Variants in PTPN14 observed in about 807,000 individuals in gnomAD.
PTPN14 encodes protein tyrosine phosphatase non-receptor type 14.
A neutral mutation model predicts 126.8 loss-of-function variants in PTPN14; 53 were observed. That is an observed-to-expected ratio of 0.42 (90% CI 0.34 to 0.53). The LOEUF is 0.53. Ranked by LOEUF, PTPN14 falls within the 20% of genes least tolerant of loss-of-function variation. PTPN14 has a pLI of 0.08. For missense variants in PTPN14, 1,257 were observed against 1,552.9 expected (o/e 0.81, Z 3.20); for synonymous variants, 630 against 599.3 (o/e 1.05, Z -0.75).
In PTPN14 at chr1:214,402,437, C is replaced by CAAAAAAAAAAAAAAAAAAA. The variant is rs1165595746; in HGVS notation, c.581+427_581+445dup. Among the ~76,000 whole-genome samples the CAAAAAAAAAAAAAAAAAAA allele has an allele frequency of 3.4e-3, 165 of 48,134 alleles. 16 individuals carry two copies. Among genetic ancestry groups the CAAAAAAAAAAAAAAAAAAA allele is most frequent in the Non-Finnish European group, 4.9e-3 (128 of 26,192 alleles). 31.6% of individuals were successfully genotyped at this position (48,134 alleles called of 152,430 possible). ...CCTGGGTGACAGAGCGAGACTCTGT[C>CAAAAAAAAAAAAAAAAAAA]AAAAAAAAAAAAAAAAAAAAAAGCC... On this transcript the variant is annotated intron_variant, in intron 6 of 18. Transcript: ENST00000366956.
Position 214,357,111 on chromosome 1 carries a change from G to A in PTPN14, c.*811C>T, listed in dbSNP as rs1423365510. On this transcript the variant is annotated 3_prime_UTR_variant, in exon 19 of 19. Transcript: ENST00000366956. ...AGACAGGGTCCTACTGAGCAAACAG[G>A]AGAGGTAGCAACAAATACCCAAGGT... The A allele has an allele frequency of 6.6e-6, 1 of 152,278 alleles. No individual in the cohort carries two copies. The highest frequency in any genetic ancestry group is 1.5e-5 in the Non-Finnish European group (1 of 68,182). The allele number at this position is 152,278 out of a possible 1,614,324, so 9.4% of individuals were successfully genotyped here.
chr1:214,415,086 C>G (rs528888679), intron 3 of PTPN14, among the ~76,000 whole-genome samples: 8 of 152,196 alleles, frequency 5.3e-5, no homozygotes, highest in Non-Finnish European at 1.0e-4. Flanking sequence ...AAGCTACACT[C>G]AACAGTGTGC....
chr1:214,496,152 G>A (rs1318237753), intron 1 of PTPN14, among the ~76,000 whole-genome samples: 5 of 152,072 alleles, frequency 3.3e-5, no homozygotes, highest in Non-Finnish European at 7.3e-5. Flanking sequence ...ATTTAGAAAC[G>A]TACTTCATTT....
intron 7 of PTPN14, among the ~76,000 whole-genome samples, chr1:214,400,256 C>G (rs72757972): frequency 0.041 from 6,197 of 152,304 alleles, 219 homozygotes; most frequent in South Asian, 0.21. Flanking sequence ...TTACCACCCC[C>G]CACTGGTACT....
chr1:214,486,114 G>A (rs572268796), intron 1 of PTPN14, among the ~76,000 whole-genome samples: 45 of 152,082 alleles, frequency 3.0e-4, no homozygotes, highest in Non-Finnish European at 5.7e-4. Context: ...CTGCAGGCAG[G>A]GGTAGAGGGA....
At chr1:214,516,966 C>G (rs570672499) in intron 1 of PTPN14, among the ~76,000 whole-genome samples, 2 of 152,266 alleles carry the variant, frequency 1.3e-5, no homozygotes, top group South Asian at 4.2e-4. Flanking sequence ...ACCTGCTCTC[C>G]TCTCTCACAG....
chr1:214,360,838 G>T (rs1425966850), intron 18 of PTPN14, among the ~76,000 whole-genome samples: 3 of 152,302 alleles, frequency 2.0e-5, no homozygotes, highest in South Asian at 2.1e-4. Flanking sequence ...CATGTTGACT[G>T]GAAATCCCCA....
At chr1:214,504,022 C>CTT (rs774446132) in intron 1 of PTPN14, among the ~76,000 whole-genome samples, 33 of 152,082 alleles carry the variant, frequency 2.2e-4, no homozygotes, top group Non-Finnish European at 4.6e-4. Flanking sequence ...AAACACACCT[C>CTT]TTCTGTAGAA....
intron 7 of PTPN14, 144 bp from the exon 8 acceptor site, chr1:214,398,145 T>C (rs1230542669): frequency 1.6e-6 from 1 of 622,918 alleles, no homozygotes; most frequent in Non-Finnish European, 2.8e-6. Flanking sequence ...TACAAGGGAG[T>C]ACCATTCAGC....
chr1:214,455,723 T>C (rs910948585), intron 2 of PTPN14, among the ~76,000 whole-genome samples: 2 of 152,044 alleles, frequency 1.3e-5, no homozygotes, highest in Admixed American at 6.6e-5. Flanking sequence ...TCCTCATTTA[T>C]TTGGTTTGGT....
chr1:214,410,970 T>C (rs1659295332), intron 5 of PTPN14, among the ~76,000 whole-genome samples: 1 of 152,236 alleles, frequency 6.6e-6, no homozygotes, highest in Non-Finnish European at 1.5e-5. Context: ...TTAGGATTGT[T>C]TTCTATTTCC....
rs771987618 is a variant in PTPN14 at position 214,393,675 on chromosome 1, G to A, written c.929+20C>T. The A allele has an allele frequency of 6.5e-6, 10 of 1,530,474 alleles. No individual in the cohort carries two copies. In the South Asian group the frequency reaches 1.1e-4, roughly 17 times the overall value. 94.8% of individuals were successfully genotyped at this position (1,530,474 alleles called of 1,614,324 possible). ...ATCTGACAAAGCCATCAAGTCGGGGGGGATTAAATGTTTACTTACTCAGTG... is the reference window on the plus strand; with the variant it reads ...ATCTGACAAAGCCATCAAGTCGGGGAGGATTAAATGTTTACTTACTCAGTG... On this transcript the variant is annotated intron_variant, in intron 10 of 18. Transcript: ENST00000366956.
intron 12 of PTPN14, among the ~76,000 whole-genome samples, chr1:214,385,338 G>A (rs1171744387): frequency 2.0e-5 from 3 of 152,160 alleles, no homozygotes; most frequent in Non-Finnish European, 4.4e-5. Flanking sequence ...ATCCTGAGCA[G>A]CAATAAAGGG....
rs1657718719 is a variant in PTPN14 at position 214,352,072 on chromosome 1, A to G, written c.*5850T>C. The G allele has an allele frequency of 6.6e-6, 1 of 152,226 alleles. No homozygotes were observed. Among genetic ancestry groups the G allele is most frequent in the South Asian group, 2.1e-4 (1 of 4,826 alleles). 9.4% of individuals were successfully genotyped at this position (152,226 alleles called of 1,614,324 possible). A position where few individuals can be genotyped will look rare whatever the true frequency, so the allele number is the denominator to read the frequency against. On this transcript the variant is annotated 3_prime_UTR_variant, in exon 19 of 19. Coordinates refer to ENST00000366956, the MANE Select transcript of PTPN14 (RefSeq NM_005401.5). ...CATATTCAGGCTGCCCAGTAGCTCC[A>G]GCCCTCCTGCCTTGTAACTCAATGT... is the stretch of plus-strand genomic sequence containing the variant.
intron 16 of PTPN14, chr1:214,372,429 T>G: frequency 2.8e-6 from 1 of 357,720 alleles, no homozygotes; most frequent in South Asian, 2.7e-5. Context: ...ATTTTTGGTT[T>G]TCTGTTGTTT....
At chr1:214,464,164 T>C (rs969584384) in intron 2 of PTPN14, among the ~76,000 whole-genome samples, 1 of 133,926 alleles carries the variant, frequency 7.5e-6, no homozygotes. Flanking sequence ...AAATGCTTTT[T>C]CTCTTTATTC....
In PTPN14 at chr1:214,357,184, T is replaced by G. The variant is rs1657841759; in HGVS notation, c.*738A>C. Reference sequence around the variant, plus strand: ...AAGCTCCAGAGCCCAGGATAAGGGGTGGTCAAGAAAAGCACAACACAGAGC... The same window carrying G: ...AAGCTCCAGAGCCCAGGATAAGGGGGGGTCAAGAAAAGCACAACACAGAGC... On this transcript the variant is annotated 3_prime_UTR_variant, in exon 19 of 19. Transcript: ENST00000366956. The G allele has an allele frequency of 6.6e-6, 1 of 151,542 alleles. No individual in the cohort carries two copies. Among genetic ancestry groups the G allele is most frequent in the Non-Finnish European group, 1.5e-5 (1 of 67,968 alleles). The allele number at this position is 151,542 out of a possible 1,614,324, so 9.4% of individuals were successfully genotyped here. A position where few individuals can be genotyped will look rare whatever the true frequency, so the allele number is the denominator to read the frequency against.
At position 214,464,727 on chromosome 1, in the gene PTPN14, C is replaced by A; in HGVS notation, c.77G>T (p.Arg26Leu). ...CTCGATAACATTGCTGTCCAGCAGGCGAATCCGTGTGACAAAGCAGTTCTT... is the reference window on the plus strand; with the variant it reads ...CTCGATAACATTGCTGTCCAGCAGGAGAATCCGTGTGACAAAGCAGTTCTT... ...LSKNCFVTRI[R>L]LLDSNVIECT... Residue 26 changes from arginine (R) to leucine (L), a missense_variant, in exon 2 of 19, where the codon CGC becomes CTC. By Grantham distance (102) the Arg-to-Leu change is moderately radical (BLOSUM62 -2). Around this residue, in one of 3 missense-constraint regions of PTPN14, gnomAD observed 1,021 missense variants for 1,183.3 expected, o/e 0.86. Coordinates refer to ENST00000366956, the MANE Select transcript of PTPN14 (RefSeq NM_005401.5). 1 of 1,614,284 alleles carries A rather than the reference C, an allele frequency of 6.2e-7. No homozygotes were observed.
At chr1:214,484,769 T>C (rs1322081111) in intron 1 of PTPN14, among the ~76,000 whole-genome samples, 1 of 152,220 alleles carries the variant, frequency 6.6e-6, no homozygotes, top group Non-Finnish European at 1.5e-5. Flanking sequence ...AATGTCTTTA[T>C]TCCTCTCCAT....
Sources: gnomAD v4.1 joint callset for allele counts (sites outside exome capture counted in the v4.1 genomes callset) on GRCh38, gnomAD v4.1.1 for gene constraint, gnomAD v4.1.1 regional missense constraint, MANE v1.5 for transcripts, NCBI Gene and HGNC (gene_info 2026-07-23, HGNC 2026-07-21) for gene names.